EPM2A: variants seen among roughly 807,000 people sequenced by gnomAD.
EPM2A encodes the protein laforin.
Under a neutral mutation model 26.5 loss-of-function variants are expected in EPM2A, and 21 were observed. The observed-to-expected ratio is 0.79, with a 90% confidence interval of 0.56 to 1.14. The LOEUF is 1.14. EPM2A is among the 50% of genes most tolerant of loss of function. The pLI is 0.00. For missense variants in EPM2A, 458 were observed against 440.8 expected (o/e 1.04, Z -0.35); for synonymous variants, 217 against 177.6 (o/e 1.22, Z -1.76).
chr6:145,466,010 G>T (rs201831274), intron 4 of EPM2A, among the ~76,000 whole-genome samples: 2 of 151,768 alleles, frequency 1.3e-5, no homozygotes, highest in South Asian at 2.1e-4. Flanking sequence ...AAGACTTAAA[G>T]GTTAGACCTA....
intron 2 of EPM2A, among the ~76,000 whole-genome samples, chr6:145,602,507 A>G (rs1254682328): frequency 6.6e-6 from 1 of 152,168 alleles, no homozygotes; most frequent in Non-Finnish European, 1.5e-5. Context: ...CCCCTACAAG[A>G]CATATTCATA....
intron 4 of EPM2A, chr6:145,490,260 G>A: frequency 7.2e-7 from 1 of 1,381,664 alleles, no homozygotes; most frequent in Admixed American, 2.3e-5. Context: ...CAATAGTTGG[G>A]TTTACACCCA....
chr6:145,463,008 T>C (rs908432057), intron 4 of EPM2A, among the ~76,000 whole-genome samples: 1 of 152,172 alleles, frequency 6.6e-6, no homozygotes, highest in Non-Finnish European at 1.5e-5. Context: ...GGTTTAATTT[T>C]AGTTATATAA....
intron 4 of EPM2A, among the ~76,000 whole-genome samples, chr6:145,453,439 T>C (rs912178200): frequency 3.3e-5 from 5 of 152,278 alleles, no homozygotes; most frequent in African/African-American, 9.6e-5. Context: ...TCTGTTGTTG[T>C]TGTGTTTTTT....
chr6:145,704,901 T>C (rs1024560839), intron 1 of EPM2A, among the ~76,000 whole-genome samples: 2 of 152,254 alleles, frequency 1.3e-5, no homozygotes, highest in African/African-American at 2.4e-5. Flanking sequence ...AATGCTTTTT[T>C]CCTCAAATGT....
At chr6:145,396,946 G>A (rs1778413094) in intron 4 of EPM2A, among the ~76,000 whole-genome samples, 1 of 152,140 alleles carries the variant, frequency 6.6e-6, no homozygotes, top group South Asian at 2.1e-4. Flanking sequence ...TTAAAACCTG[G>A]CCAATCCCAC....
At chr6:145,457,400 C>G (rs1430447471) in intron 4 of EPM2A, among the ~76,000 whole-genome samples, 1 of 150,186 alleles carries the variant, frequency 6.7e-6, no homozygotes, top group African/African-American at 2.5e-5. Flanking sequence ...AGGAGAACTG[C>G]TTGAACCTGG....
intron 2 of EPM2A, among the ~76,000 whole-genome samples, chr6:145,559,125 G>C (rs1780771357): frequency 6.6e-6 from 1 of 152,074 alleles, no homozygotes; most frequent in African/African-American, 2.4e-5. Context: ...CAGTAACTTT[G>C]TATAAAATAT....
At chr6:145,649,154 G>A (rs746973863) in intron 2 of EPM2A, among the ~76,000 whole-genome samples, 47 of 152,184 alleles carry the variant, frequency 3.1e-4, no homozygotes, top group Non-Finnish European at 1.8e-4. Context: ...AGCTTTCACA[G>A]TAATTCTCAT....
At chr6:145,438,941 C>T (rs537894901) in intron 4 of EPM2A, among the ~76,000 whole-genome samples, 2 of 151,652 alleles carry the variant, frequency 1.3e-5, no homozygotes, top group Non-Finnish European at 2.9e-5. Flanking sequence ...TCTTCTTTTT[C>T]TTCTAAACCT....
intron 2 of EPM2A, among the ~76,000 whole-genome samples, chr6:145,593,774 T>G (rs1301793418): frequency 6.6e-6 from 1 of 151,874 alleles, no homozygotes. Context: ...AGTGCTTAGA[T>G]GAAAATTTTT....
At position 145,609,510 on chromosome 6, in the gene EPM2A, T is replaced by C. The variant is rs145420355; in HGVS notation, c.340+25735A>G. 9.8e-3 allele frequency among the ~76,000 whole-genome samples: 1,495 copies of C among 152,292 alleles called. 9 individuals carry two copies. The highest frequency in any genetic ancestry group is 0.015 in the Non-Finnish European group (1,017 of 68,018). ...CTAAATTATTTTAGGAGCTGATTCT[T>C]GTGGGAAAGATGGCTTATTCTCTCC... On this transcript the variant is annotated intron_variant, in intron 2 of 3. Transcript: ENST00000450221.
At chr6:145,410,796 A>G (rs754946448) in intron 4 of EPM2A, among the ~76,000 whole-genome samples, 1 of 152,208 alleles carries the variant, frequency 6.6e-6, no homozygotes, top group Non-Finnish European at 1.5e-5. Flanking sequence ...AGCCAAGTTT[A>G]TAAAGACATG....
chr6:145,392,836 G>C (rs1778355867), intron 4 of EPM2A, among the ~76,000 whole-genome samples: 2 of 152,038 alleles, frequency 1.3e-5, no homozygotes, highest in Non-Finnish European at 2.9e-5. Context: ...AACTGATCTT[G>C]TACTTATGTG....
chr6:145,585,710 G>T (rs1184870580), intron 2 of EPM2A, among the ~76,000 whole-genome samples: 2 of 151,692 alleles, frequency 1.3e-5, no homozygotes, highest in Non-Finnish European at 2.9e-5. Flanking sequence ...TTATCTCTTT[G>T]GGTGCCAGAT....
In EPM2A at chr6:145,665,312, TA is replaced by T. The variant is rs1287774983; in HGVS notation, c.476+20809del. ...AGAGAGAAGAATCAAATAGACACAATAAAAAATGATAAAGGGGATATCACCA... is the reference window on the plus strand; with the variant it reads ...AGAGAGAAGAATCAAATAGACACAATAAAAATGATAAAGGGGATATCACCA... On this transcript the variant is annotated intron_variant, in intron 2 of 3. Coordinates refer to ENST00000367519, the MANE Select transcript of EPM2A (RefSeq NM_005670.4). Among the ~76,000 whole-genome samples, 6 of 53,052 alleles carry T rather than the reference TA, an allele frequency of 1.1e-4. No individual in the cohort carries two copies. In the Admixed American group the frequency reaches 1.5e-3, roughly 14 times the overall value. The allele number at this position is 53,052 out of a possible 152,430, so 34.8% of individuals were successfully genotyped here. A position where few individuals can be genotyped will look rare whatever the true frequency, so the allele number is the denominator to read the frequency against.
At chr6:145,498,247 G>C (rs1393299486), downstream of EPM2A, among the ~76,000 whole-genome samples, 1 of 152,158 alleles carries the variant, frequency 6.6e-6, no homozygotes, top group Admixed American at 6.5e-5. Flanking sequence ...TATTGCCAGG[G>C]ACTGGCTGGA....
rs560217880 is a variant in EPM2A, at chr6:145,577,830, A to T, written c.340+57415T>A. ...AACAAGTCTCAAAAATTTCAAAAAAAATTGAAATTATATCAACTATCTTTT... is the reference window on the plus strand; with the variant it reads ...AACAAGTCTCAAAAATTTCAAAAAATATTGAAATTATATCAACTATCTTTT... On this transcript the variant is annotated intron_variant, in intron 2 of 3. Coordinates refer to the EPM2A transcript ENST00000450221. Among the ~76,000 whole-genome samples the T allele has an allele frequency of 5.9e-5, 9 of 152,256 alleles. No homozygotes were observed. In the South Asian group the frequency reaches 1.0e-3, roughly 18 times the overall value.
At chr6:145,549,970 T>C (rs1377666091) in intron 2 of EPM2A, among the ~76,000 whole-genome samples, 1 of 151,800 alleles carries the variant, frequency 6.6e-6, no homozygotes, top group East Asian at 1.9e-4. Flanking sequence ...ACTCAAGGAG[T>C]CTTCTAACTT....
Sources: gnomAD v4.1 joint callset for allele counts (sites outside exome capture counted in the v4.1 genomes callset) on GRCh38, gnomAD v4.1.1 for gene constraint, MANE v1.5 for transcripts, NCBI Gene and HGNC (gene_info 2026-07-23, HGNC 2026-07-21) for gene names.